Variants in CAST observed in about 807,000 individuals in gnomAD.
CAST encodes the protein calpastatin.
CAST carries 76 observed loss-of-function variants against 119.6 expected under a neutral mutation model. That is an observed-to-expected ratio of 0.64 (90% confidence interval 0.53 to 0.77). The LOEUF (loss-of-function observed/expected upper bound fraction) is 0.77. CAST is among the 30% of genes least tolerant of loss of function. The probability of loss-of-function intolerance (pLI) is 0.00; values close to 1 mark genes in which losing one functional copy is unlikely to be tolerated. For synonymous variants in CAST, 319 were observed against 331.6 expected (o/e 0.96, Z 0.41); for missense variants, 953 against 946.5 (o/e 1.01, Z -0.09).
chr5:95,972,855 GT>G, the CAST span, among the ~76,000 whole-genome samples: 1 of 152,070 alleles, frequency 6.6e-6, no homozygotes, highest in South Asian at 2.1e-4. Context: ...TTACATTTAA[GT>G]TTATGGCCCA....
At chr5:96,398,108 A>C in the CAST span, among the ~76,000 whole-genome samples, 1 of 152,192 alleles carries the variant, frequency 6.6e-6, no homozygotes, top group Non-Finnish European at 1.5e-5. Flanking sequence ...TATCAATTAA[A>C]AAAGCATTCC....
At chr5:96,397,398 T>C in the CAST span, 1 of 1,611,440 alleles carries the variant, frequency 6.2e-7, no homozygotes, top group Non-Finnish European at 8.5e-7. Context: ...TGAACAGACA[T>C]GAAGTCCCAA....
At chr5:96,676,607 T>A (rs184212862) in intron 2 of CAST, among the ~76,000 whole-genome samples, 201 of 152,184 alleles carry the variant, frequency 1.3e-3, no homozygotes, top group African/African-American at 4.1e-3. Context: ...TTTTAGTGAA[T>A]TTTTTATAGC....
At chr5:96,264,359 C>T in the CAST span, among the ~76,000 whole-genome samples, 1 of 152,150 alleles carries the variant, frequency 6.6e-6, no homozygotes, top group Non-Finnish European at 1.5e-5. Flanking sequence ...ACTTAATAAC[C>T]CTTTCCTCTA....
chr5:96,061,926 G>C, the CAST span, among the ~76,000 whole-genome samples: 12 of 152,206 alleles, frequency 7.9e-5, no homozygotes, highest in South Asian at 2.5e-3. Context: ...GAATGACTTA[G>C]CTGACATCAG....
the CAST span, among the ~76,000 whole-genome samples, chr5:96,386,308 C>T: frequency 1.3e-5 from 2 of 152,134 alleles, no homozygotes; most frequent in African/African-American, 2.4e-5. Context: ...CACTTGTTGC[C>T]TCTGGCTTTC....
At chr5:96,088,325 G>T in the CAST span, among the ~76,000 whole-genome samples, 2 of 152,182 alleles carry the variant, frequency 1.3e-5, no homozygotes, top group African/African-American at 4.8e-5. Flanking sequence ...CTAAGCCACT[G>T]CTCTTTCTCT....
intron 1 of CAST, among the ~76,000 whole-genome samples, chr5:96,590,032 T>C (rs1746934757): frequency 6.6e-6 from 1 of 152,210 alleles, no homozygotes; most frequent in Non-Finnish European, 1.5e-5. Context: ...CACTTACAAT[T>C]TGAAACAGGC....
At chr5:96,466,483 C>G in the CAST span, among the ~76,000 whole-genome samples, 4 of 152,036 alleles carry the variant, frequency 2.6e-5, no homozygotes, top group African/African-American at 9.7e-5. Context: ...CTGCCTCGGT[C>G]CCTCGTGCTT....
chr5:96,331,194 G>A, the CAST span, among the ~76,000 whole-genome samples: 1 of 152,200 alleles, frequency 6.6e-6, no homozygotes. Context: ...TTTTACACAT[G>A]AGAAAACTGA....
the CAST span, among the ~76,000 whole-genome samples, chr5:96,221,972 GA>G: frequency 6.6e-6 from 1 of 152,098 alleles, no homozygotes; most frequent in East Asian, 1.9e-4. Context: ...ACAGCCAACT[GA>G]TTTTCAACAA....
chr5:96,471,814 T>C, the CAST span, among the ~76,000 whole-genome samples: 1 of 107,246 alleles, frequency 9.3e-6, no homozygotes, highest in African/African-American at 4.0e-5. Context: ...CATATGCGTA[T>C]TGGACTGAAT....
intron 5 of CAST, 122 bp downstream of exon 5, chr5:96,726,981 C>G (rs1759370905): frequency 2.9e-6 from 2 of 695,840 alleles, no homozygotes; most frequent in Admixed American, 5.4e-5. Flanking sequence ...CATGGACTTT[C>G]TGTAGGCTTA....
At chr5:96,542,173 G>A (rs934410271) in intron 1 of CAST, among the ~76,000 whole-genome samples, 4 of 152,114 alleles carry the variant, frequency 2.6e-5, no homozygotes, top group Non-Finnish European at 5.9e-5. Context: ...AGCCGGGCGA[G>A]GTGGCGGGTG....
At chr5:96,616,175 C>A (rs1747452675) in intron 1 of CAST, among the ~76,000 whole-genome samples, 1 of 152,160 alleles carries the variant, frequency 6.6e-6, no homozygotes, top group Non-Finnish European at 1.5e-5. Flanking sequence ...ACAGATACAC[C>A]CAGGATCGAT....
At chr5:96,571,743 A>G (rs150861387) in intron 1 of CAST, among the ~76,000 whole-genome samples, 69 of 152,276 alleles carry the variant, frequency 4.5e-4, no homozygotes, top group East Asian at 7.7e-4. Flanking sequence ...GCCACCTTCT[A>G]TATCCCTACC....
At chr5:95,975,631 A>C in the CAST span, among the ~76,000 whole-genome samples, 1 of 152,236 alleles carries the variant, frequency 6.6e-6, no homozygotes, top group East Asian at 1.9e-4. Flanking sequence ...TAACTAGTTT[A>C]GATTCCCTAG....
the CAST span, among the ~76,000 whole-genome samples, chr5:96,242,027 T>C: frequency 1.4e-5 from 2 of 145,552 alleles, no homozygotes; most frequent in African/African-American, 5.1e-5. Context: ...CTGTTCACTC[T>C]GATGGTAGTT....
chr5:96,585,345 T>A (rs1746840991), intron 1 of CAST, among the ~76,000 whole-genome samples: 1 of 152,178 alleles, frequency 6.6e-6, no homozygotes, highest in Admixed American at 6.5e-5. Context: ...CAGCCCATCC[T>A]ACCTGCCAAC....
Sources: allele counts gnomAD v4.1 joint callset (sites outside exome capture counted in the v4.1 genomes callset), GRCh38; gene constraint gnomAD v4.1.1; transcripts MANE v1.5; gene names NCBI Gene and HGNC (gene_info 2026-07-23, HGNC 2026-07-21).